ZC3HAV1: variants seen among roughly 807,000 people sequenced by gnomAD.
ZC3HAV1 encodes the protein zinc finger CCCH-type containing, antiviral 1.
Under a neutral mutation model 86.6 loss-of-function variants are expected in ZC3HAV1, and 41 were observed. That is an observed-to-expected ratio of 0.47 (90% confidence interval 0.37 to 0.61). ZC3HAV1 has a LOEUF of 0.61. ZC3HAV1 is among the 20% of genes least tolerant of loss of function. The pLI is 0.00. For synonymous variants in ZC3HAV1, 421 were observed against 432.1 expected, an observed-to-expected ratio of 0.97 and a Z score of 0.32; for missense variants, 964 against 1,141.1, an observed-to-expected ratio of 0.84 and a Z score of 2.24.
chr7:139,105,430 G>C (rs893501963), intron 1 of ZC3HAV1, among the ~76,000 whole-genome samples: 2 of 152,294 alleles, frequency 1.3e-5, no homozygotes, highest in East Asian at 1.9e-4. Context: ...ATAGTTATTT[G>C]TTCGATAAAT....
chr7:139,051,406 T>A (rs1007856150), intron 12 of ZC3HAV1, among the ~76,000 whole-genome samples: 1 of 110,592 alleles, frequency 9.0e-6, no homozygotes, highest in Non-Finnish European at 1.6e-5. Flanking sequence ...AATCATTTAA[T>A]TTTTTTTTTT....
At chr7:139,093,735 G>A (rs1182318248) in intron 1 of ZC3HAV1, among the ~76,000 whole-genome samples, 2 of 152,140 alleles carry the variant, frequency 1.3e-5, no homozygotes, top group Non-Finnish European at 2.9e-5. Context: ...TCCGGACTCA[G>A]CCCGCCTGCA....
chr7:139,068,756 T>A (rs574821149), intron 7 of ZC3HAV1, among the ~76,000 whole-genome samples: 1 of 152,146 alleles, frequency 6.6e-6, no homozygotes, highest in Non-Finnish European at 1.5e-5. Flanking sequence ...TGAACCCCGG[T>A]AGGTGGTGAA....
intron 1 of ZC3HAV1, among the ~76,000 whole-genome samples, chr7:139,092,056 TAAAGC>T (rs1817452560): frequency 6.6e-6 from 1 of 152,100 alleles, no homozygotes; most frequent in African/African-American, 2.4e-5. Flanking sequence ...TTTACTGAAG[TAAAGC>T]AGGCAAAAAA....
chr7:139,101,490 C>CTG (rs1817766890), intron 1 of ZC3HAV1, among the ~76,000 whole-genome samples: 1 of 108,126 alleles, frequency 9.2e-6, no homozygotes, highest in Non-Finnish European at 1.8e-5. Context: ...CTCAGCCCGG[C>CTG]CACCACCCCG....
chr7:139,053,896 C>G, intron 11 of ZC3HAV1, 69 bp downstream of exon 11: 1 of 1,507,530 alleles, frequency 6.6e-7, no homozygotes, highest in East Asian at 2.6e-5. Context: ...GAATATAAAT[C>G]TCAAAGGACG....
rs1418879032 is a variant in ZC3HAV1 at position 139,056,389 on chromosome 7, T to A, written c.2097-1094A>T. 1.8e-3 allele frequency among the ~76,000 whole-genome samples: 215 copies of A among 116,488 alleles called. 1 individual carries two copies. Among genetic ancestry groups the A allele is most frequent in the African/African-American group, 6.9e-3 (204 of 29,440 alleles). The allele number at this position is 116,488 out of a possible 152,430, so 76.4% of individuals were successfully genotyped here. Reference sequence around the variant, plus strand: ...GTCGTTGTTTTTATTGTTTTTTTTTTTTCCTTTTTCTTTTTCTTTTCTTTT... The same window carrying A: ...GTCGTTGTTTTTATTGTTTTTTTTTATTCCTTTTTCTTTTTCTTTTCTTTT... On this transcript the variant is annotated intron_variant, in intron 9 of 12. Coordinates refer to ENST00000242351, the MANE Select transcript of ZC3HAV1 (RefSeq NM_020119.4).
intron 12 of ZC3HAV1, among the ~76,000 whole-genome samples, chr7:139,052,505 T>G (rs1816158255): frequency 6.8e-6 from 1 of 147,002 alleles, no homozygotes. Flanking sequence ...CTTGAGAGGC[T>G]GAGGCAGGAG....
chr7:139,046,518 A>G lies in ZC3HAV1; in HGVS notation c.*1076T>C, dbSNP rs572221414. On this transcript the variant is annotated 3_prime_UTR_variant, in exon 13 of 13. Transcript: ENST00000242351. The stretch of plus-strand genomic sequence containing the variant: ...GAACATAAATGTCTACTTTGCCATA[A>G]TTATACAAAGAGCCCAAATGGGCAA... The G allele has an allele frequency of 6.6e-6, 1 of 152,354 alleles. No homozygotes were observed. Among genetic ancestry groups the G allele is most frequent in the Admixed American group, 6.5e-5 (1 of 15,296 alleles). The allele number at this position is 152,354 out of a possible 1,614,324, so 9.4% of individuals were successfully genotyped here.
intron 1 of ZC3HAV1, among the ~76,000 whole-genome samples, chr7:139,097,428 A>ATATTTTTTTTT: frequency 3.1e-4 from 15 of 48,154 alleles, no homozygotes; most frequent in African/African-American, 1.5e-3. Flanking sequence ...ATATATATAT[A>ATATTTTTTTTT]TTTTTTTTTT....
chr7:139,081,219 A>C (rs555526659), intron 3 of ZC3HAV1, among the ~76,000 whole-genome samples: 1 of 151,904 alleles, frequency 6.6e-6, no homozygotes, highest in South Asian at 2.1e-4. Flanking sequence ...TCTGTGTTTG[A>C]GGCACATGTG....
intron 1 of ZC3HAV1, among the ~76,000 whole-genome samples, chr7:139,097,495 C>A (rs867603659): frequency 7.2e-6 from 1 of 139,454 alleles, no homozygotes; most frequent in Non-Finnish European, 1.5e-5. Context: ...AGTGCAGTGG[C>A]GCGATCTCGG....
chr7:139,062,427 C>T (rs1816470808), intron 8 of ZC3HAV1, among the ~76,000 whole-genome samples: 1 of 152,246 alleles, frequency 6.6e-6, no homozygotes, highest in Non-Finnish European at 1.5e-5. Flanking sequence ...CCTCCTGGAG[C>T]GCCCTCCTTC....
chr7:139,053,861 C>G, intron 11 of ZC3HAV1, 104 bp downstream of exon 11: 1 of 1,279,226 alleles, frequency 7.8e-7, no homozygotes, highest in Non-Finnish European at 1.0e-6. Context: ...CCTAAAGGAA[C>G]TGTTAACTAC....
chr7:139,069,115 C>T (rs971985161), intron 7 of ZC3HAV1, among the ~76,000 whole-genome samples: 2 of 152,166 alleles, frequency 1.3e-5, no homozygotes, highest in African/African-American at 4.8e-5. Flanking sequence ...AGTTCTTTGG[C>T]AATCCTAAGC....
In ZC3HAV1 at chr7:139,063,095, AAC is replaced by A. The variant is rs751154003; in HGVS notation, c.1993+1782_1993+1783del. On this transcript the variant is annotated intron_variant, in intron 8 of 12. Transcript: ENST00000242351. ...GAAAAGAAAAGAAAAAGCCATCTGG[AAC>A]ACTAGGAACCCATAAATTGCTCTGA... Among the ~76,000 whole-genome samples, 3 of 151,716 alleles carry A rather than the reference AAC, an allele frequency of 2.0e-5. 1 individual carries two copies. In the South Asian group the frequency reaches 6.2e-4, roughly 32 times the overall value.
Position 139,109,523 on chromosome 7 carries a change from G to A in ZC3HAV1, c.-192C>T. On this transcript the variant is annotated 5_prime_UTR_variant, in exon 1 of 13. Coordinates refer to ENST00000242351, the MANE Select transcript of ZC3HAV1 (RefSeq NM_020119.4). ...CCACTCTCGGCTCTCAGGTCAAGAGGCTAGATCTCACCGACCGGGTCCTAG... is the reference window on the plus strand; with the variant it reads ...CCACTCTCGGCTCTCAGGTCAAGAGACTAGATCTCACCGACCGGGTCCTAG... The A allele has an allele frequency of 3.0e-6, 2 of 671,972 alleles. No homozygotes were observed. Among genetic ancestry groups the A allele is most frequent in the Non-Finnish European group, 2.3e-6 (1 of 426,326 alleles). The allele number at this position is 671,972 out of a possible 1,614,324, so 41.6% of individuals were successfully genotyped here. A position where few individuals can be genotyped will look rare whatever the true frequency, so the allele number is the denominator to read the frequency against.
chr7:139,068,090 C>T (rs1267795426), intron 7 of ZC3HAV1, among the ~76,000 whole-genome samples: 1 of 149,466 alleles, frequency 6.7e-6, no homozygotes, highest in African/African-American at 2.5e-5. Context: ...CAGTGAGTCT[C>T]TCTCTGTCAC....
intron 1 of ZC3HAV1, among the ~76,000 whole-genome samples, chr7:139,096,390 C>T (rs1817589690): frequency 6.6e-6 from 1 of 152,170 alleles, no homozygotes; most frequent in African/African-American, 2.4e-5. Context: ...TCCCCACCAC[C>T]CGCCACAATA....
Sources: gnomAD v4.1 joint callset for allele counts (sites outside exome capture counted in the v4.1 genomes callset) on GRCh38, gnomAD v4.1.1 for gene constraint, MANE v1.5 for transcripts, NCBI Gene and HGNC (gene_info 2026-07-23, HGNC 2026-07-21) for gene names.